The following PDS5A variants were observed in gnomAD, a reference collection of about 807,000 sequenced individuals.
The protein encoded by PDS5A is sister chromatid cohesion protein PDS5 homolog A.
In PDS5A, 42 loss-of-function variants were observed where a neutral mutation model predicts 167.1. The ratio of observed to expected loss-of-function variants is 0.25; its 90% confidence interval spans 0.20 to 0.33. The LOEUF (loss-of-function observed/expected upper bound fraction) is 0.33. PDS5A is among the 10% of genes least tolerant of loss of function. The probability of loss-of-function intolerance (pLI) is 1.00; values close to 1 mark genes in which losing one functional copy is unlikely to be tolerated. For missense variants in PDS5A, 1,033 were observed against 1,605.9 expected, an observed-to-expected ratio of 0.64 and a Z score of 6.10; for synonymous variants, 553 against 554.6, an observed-to-expected ratio of 1.00 and a Z score of 0.04.
rs1487942626 is a variant in PDS5A, at chr4:39,826,484, TA to T, written c.4011-997del. ...AATTCATTCCACATTTTTATTTATT[TA>T]TTTATTTATTTATTTATTTGAGATG... On this transcript the variant is annotated intron_variant, in intron 32 of 32. Coordinates refer to ENST00000303538, the MANE Select transcript of PDS5A (RefSeq NM_001100399.2). Among the ~76,000 whole-genome samples the T allele has an allele frequency of 5.3e-5, 8 of 150,934 alleles. No individual in the cohort carries two copies. In the East Asian group the frequency reaches 1.6e-3, roughly 29 times the overall value.
Position 39,898,515 on chromosome 4 carries a change from G to A in PDS5A, c.1644C>T (p.Asp548=), listed in dbSNP as rs1578695791. ...TCACAAAATCTTGTGCTTTCCCGGGGTCAGGCAAATTCTCTATAAAATTAA... is the reference window on the plus strand; with the variant it reads ...TCACAAAATCTTGTGCTTTCCCGGGATCAGGCAAATTCTCTATAAAATTAA... The part of the protein sequence containing the change: ...KLMTIAKNLP[D]PGKAQDFVKK... Residue 548 remains aspartate (D), a synonymous_variant, in exon 16 of 33, where the codon GAC becomes GAT. Coordinates refer to ENST00000303538, the MANE Select transcript of PDS5A (RefSeq NM_001100399.2). The A allele has an allele frequency of 6.3e-7, 1 of 1,578,476 alleles. No homozygotes were observed. Among genetic ancestry groups the A allele is most frequent in the Non-Finnish European group, 8.6e-7 (1 of 1,163,714 alleles).
At chr4:39,855,227 A>G (rs1718437931) in intron 26 of PDS5A, among the ~76,000 whole-genome samples, 1 of 152,218 alleles carries the variant, frequency 6.6e-6, no homozygotes, top group South Asian at 2.1e-4. Context: ...AATCTATGTC[A>G]GGGTCACAGG....
intron 5 of PDS5A, among the ~76,000 whole-genome samples, chr4:39,924,850 A>T (rs1432430225): frequency 6.6e-6 from 1 of 152,196 alleles, no homozygotes; most frequent in Non-Finnish European, 1.5e-5. Context: ...GGTAGCTCAC[A>T]CCTGTAAACC....
rs1177289797 is a variant in PDS5A, at chr4:39,918,358, T to C, written c.736-1170A>G. On this transcript the variant is annotated intron_variant, in intron 7 of 32. Transcript: ENST00000303538. ...AAAAGTTGGTAATACAAAAGCTGAT[T>C]TTTTTTTTAAATGCTAGACAGAAAT... 6.8e-5 allele frequency among the ~76,000 whole-genome samples: 4 copies of C among 58,996 alleles called. No individual in the cohort carries two copies. In the South Asian group the frequency reaches 1.8e-3, roughly 27 times the overall value. 38.7% of individuals were successfully genotyped at this position (58,996 alleles called of 152,430 possible). A position where few individuals can be genotyped will look rare whatever the true frequency, so the allele number is the denominator to read the frequency against.
chr4:39,930,416 T>C (rs975549390), intron 2 of PDS5A, among the ~76,000 whole-genome samples: 2 of 151,530 alleles, frequency 1.3e-5, no homozygotes, highest in Non-Finnish European at 2.9e-5. Context: ...TTGACACCTA[T>C]TGAGATAATC....
intron 22 of PDS5A, among the ~76,000 whole-genome samples, chr4:39,867,633 T>C (rs911935132): frequency 6.6e-6 from 1 of 151,548 alleles, no homozygotes; most frequent in Admixed American, 6.6e-5. Context: ...GGCATGAGAA[T>C]TGCTTGAACC....
intron 13 of PDS5A, among the ~76,000 whole-genome samples, chr4:39,901,266 C>CTTTTT (rs772230554): frequency 2.8e-3 from 345 of 121,206 alleles, no homozygotes; most frequent in South Asian, 4.5e-3. Flanking sequence ...TCTTTTCTTT[C>CTTTTT]TTTTTTTTTT....
intron 2 of PDS5A, among the ~76,000 whole-genome samples, chr4:39,931,918 G>A (rs1403506048): frequency 6.8e-6 from 1 of 146,580 alleles, no homozygotes; most frequent in African/African-American, 2.5e-5. Flanking sequence ...TTAAGACAGA[G>A]TCTTGCTCTG....
At chr4:39,953,646 G>A (rs907189808) in intron 2 of PDS5A, among the ~76,000 whole-genome samples, 8 of 152,022 alleles carry the variant, frequency 5.3e-5, no homozygotes, top group African/African-American at 1.7e-4. Context: ...CAGGAGGATC[G>A]CTTGAGCTGG....
At chr4:39,895,442 A>G (rs1300200072) in intron 16 of PDS5A, among the ~76,000 whole-genome samples, 1 of 152,154 alleles carries the variant, frequency 6.6e-6, no homozygotes, top group Non-Finnish European at 1.5e-5. Flanking sequence ...AAACCATATA[A>G]TAAAAATGCC....
At chr4:39,941,436 T>C (rs2732063) in intron 2 of PDS5A, among the ~76,000 whole-genome samples, 19,173 of 152,294 alleles carry the variant, frequency 0.13, 1,378 homozygotes, top group African/African-American at 0.21. Context: ...CATGGACTGC[T>C]GGCTAAGATT....
chr4:39,949,798 C>T (rs746057466), intron 2 of PDS5A, among the ~76,000 whole-genome samples: 16 of 90,938 alleles, frequency 1.8e-4, no homozygotes, highest in African/African-American at 6.5e-4. Context: ...CCAGCCAGGG[C>T]GACAGAATAA....
chr4:39,879,531 T>C (rs930034907), intron 18 of PDS5A, among the ~76,000 whole-genome samples, 197 bp downstream of exon 18: 11 of 152,166 alleles, frequency 7.2e-5, no homozygotes, highest in African/African-American at 2.7e-4. Context: ...GAAACAAATA[T>C]TAATTTATAA....
intron 13 of PDS5A, 95 bp from the exon 14 acceptor site, chr4:39,900,602 A>G: frequency 1.4e-6 from 1 of 723,300 alleles, no homozygotes; most frequent in South Asian, 1.6e-5. Context: ...TATATACACC[A>G]TTCTTCTACA....
chr4:39,859,976 G>A (rs772126957), intron 26 of PDS5A, among the ~76,000 whole-genome samples: 1 of 152,138 alleles, frequency 6.6e-6, no homozygotes, highest in Admixed American at 6.5e-5. Flanking sequence ...GCTCATGCCT[G>A]TAATCCCAGA....
intron 2 of PDS5A, among the ~76,000 whole-genome samples, chr4:39,952,328 C>T (rs1387892006): frequency 6.6e-6 from 1 of 152,146 alleles, no homozygotes; most frequent in Non-Finnish European, 1.5e-5. Flanking sequence ...GAGACTCCGT[C>T]TCAAAACAAA....
At chr4:39,831,824 C>T (rs530097179) in intron 32 of PDS5A, among the ~76,000 whole-genome samples, 20 of 124,444 alleles carry the variant, frequency 1.6e-4, no homozygotes, top group Admixed American at 3.2e-4. Context: ...TGCGGTGAGC[C>T]GAGATCACAC....
chr4:39,832,319 T>C (rs1401344481), intron 32 of PDS5A, among the ~76,000 whole-genome samples: 1 of 151,654 alleles, frequency 6.6e-6, no homozygotes, highest in Non-Finnish European at 1.5e-5. Context: ...GTTCATGCCA[T>C]TCTCCTGCCT....
At chr4:39,913,390 T>C (rs1724069260) in intron 9 of PDS5A, among the ~76,000 whole-genome samples, 1 of 152,126 alleles carries the variant, frequency 6.6e-6, no homozygotes, top group Non-Finnish European at 1.5e-5. Flanking sequence ...TGACATTATT[T>C]TAACACAAAG....
Sources: allele counts gnomAD v4.1 joint callset (sites outside exome capture counted in the v4.1 genomes callset), GRCh38; gene constraint gnomAD v4.1.1; transcripts MANE v1.5; gene names NCBI Gene and HGNC (gene_info 2026-07-23, HGNC 2026-07-21).